Variants in ULK4 observed in about 807,000 individuals in gnomAD.
ULK4 encodes unc-51 like kinase 4.
A neutral mutation model predicts 160.6 loss-of-function variants in ULK4; 133 were observed. The ratio of observed to expected loss-of-function variants is 0.83; its 90% CI spans 0.72 to 0.96. The LOEUF (loss-of-function observed/expected upper bound fraction) is 0.96. Ranked by LOEUF, ULK4 falls within the 40% of genes least tolerant of loss-of-function variation. The pLI is 0.00. For missense variants in ULK4, 1,580 were observed against 1,499.5 expected (o/e 1.05, Z -0.89); for synonymous variants, 534 against 539.8 (o/e 0.99, Z 0.15).
At chr3:41,831,012 T>TATTTA (rs1358667647) in intron 18 of ULK4, among the ~76,000 whole-genome samples, 1 of 96,902 alleles carries the variant, frequency 1.0e-5, no homozygotes, top group African/African-American at 4.3e-5. Flanking sequence ...TTATTATTTT[T>TATTTA]TTTATTTATT....
intron 35 of ULK4, among the ~76,000 whole-genome samples, chr3:41,391,502 T>C (rs1202574125): frequency 6.6e-6 from 1 of 151,870 alleles, no homozygotes; most frequent in African/African-American, 2.4e-5. Flanking sequence ...CTTTTTATTA[T>C]ACCTCAAGGA....
At position 41,444,361 on chromosome 3, in the gene ULK4, T is replaced by TTCTCTCTCTCTC. The variant is rs56744200; in HGVS notation, c.3492+11124_3492+11135dup. ...TCTCTTTCTAAATGATTTAAGTGAC[T>TTCTCTCTCTCTC]TCTCTCTCTCTCTCTCTCTCTCTCT... On this transcript the variant is annotated intron_variant, in intron 34 of 36. Transcript: ENST00000301831. 5.8e-3 allele frequency among the ~76,000 whole-genome samples: 847 copies of TTCTCTCTCTCTC among 146,654 alleles called. 13 individuals are homozygous for TTCTCTCTCTCTC. The highest frequency in any genetic ancestry group is 0.016 in the African/African-American group (638 of 39,434).
intron 30 of ULK4, among the ~76,000 whole-genome samples, chr3:41,643,770 A>C (rs542671184): frequency 6.2e-4 from 95 of 152,264 alleles, no homozygotes; most frequent in Non-Finnish European, 1.1e-3. Flanking sequence ...TGAATCTATA[A>C]ATTACCTTGG....
chr3:41,339,055 A>G (rs554785175), intron 35 of ULK4, among the ~76,000 whole-genome samples: 11 of 151,950 alleles, frequency 7.2e-5, no homozygotes, highest in African/African-American at 2.7e-4. Context: ...ACGCCCAGAA[A>G]TCATGTTTAG....
rs780256592 is a variant in ULK4, at chr3:41,894,624, T to C, written c.1577+894A>G. Among the ~76,000 whole-genome samples the C allele has an allele frequency of 3.9e-5, 6 of 152,208 alleles. No homozygotes were observed. In the East Asian group the frequency reaches 1.2e-3, roughly 29 times the overall value. On this transcript the variant is annotated intron_variant, in intron 16 of 36. Coordinates refer to ENST00000301831, the MANE Select transcript of ULK4 (RefSeq NM_017886.4). ...CAGGCACTATACAAGGTATCTCATA[T>C]ATTTACCTCATTCAAAGTTGAATAA...
At chr3:41,838,344 A>G (rs770378686) in intron 17 of ULK4, among the ~76,000 whole-genome samples, 1 of 152,196 alleles carries the variant, frequency 6.6e-6, no homozygotes, top group Non-Finnish European at 1.5e-5. Flanking sequence ...TACATTCAAG[A>G]TAATTATATA....
Position 41,733,635 on chromosome 3 carries a change from G to A in ULK4, c.2322-15774C>T, listed in dbSNP as rs538356974. 3.1e-4 allele frequency among the ~76,000 whole-genome samples: 45 copies of A among 146,214 alleles called. 1 individual carries two copies. In the Middle Eastern group the frequency reaches 0.018, roughly 60 times the overall value. ...ATTTAAAAGTTTATATAATTACCAT[G>A]TTTTCTCCCAAAAAGACTTTTTTAG... On this transcript the variant is annotated intron_variant, in intron 22 of 36. Transcript: ENST00000301831.
chr3:41,821,683 C>A (rs1052500144), intron 18 of ULK4, among the ~76,000 whole-genome samples: 1 of 152,126 alleles, frequency 6.6e-6, no homozygotes, highest in African/African-American at 2.4e-5. Flanking sequence ...AATAGGGTCA[C>A]GGTATCTCAT....
At chr3:41,563,515 C>T (rs1213781574) in intron 32 of ULK4, among the ~76,000 whole-genome samples, 1 of 152,172 alleles carries the variant, frequency 6.6e-6, no homozygotes, top group Non-Finnish European at 1.5e-5. Context: ...TAGATTTGGT[C>T]TTTTCAGATA....
chr3:41,672,264 C>G (rs1021463388), intron 29 of ULK4, among the ~76,000 whole-genome samples: 8 of 152,142 alleles, frequency 5.3e-5, no homozygotes, highest in African/African-American at 1.9e-4. Flanking sequence ...AACACATGCA[C>G]TCCCATGTTT....
At chr3:41,866,906 T>C (rs1050416966) in intron 17 of ULK4, among the ~76,000 whole-genome samples, 2 of 152,222 alleles carry the variant, frequency 1.3e-5, no homozygotes, top group African/African-American at 4.8e-5. Context: ...GATTATCCCC[T>C]TAGTATCTTT....
intron 31 of ULK4, among the ~76,000 whole-genome samples, chr3:41,574,407 C>T (rs943168359): frequency 2.0e-5 from 3 of 152,054 alleles, no homozygotes; most frequent in African/African-American, 7.2e-5. Flanking sequence ...CCTCTTGCAT[C>T]TATCCTCTGC....
At chr3:41,326,118 C>T (rs974986335) in intron 35 of ULK4, among the ~76,000 whole-genome samples, 1 of 152,068 alleles carries the variant, frequency 6.6e-6, no homozygotes. Context: ...TTGGCTTTAG[C>T]ACACCATAAG....
At chr3:41,615,808 T>C in intron 30 of ULK4, 91 bp from the exon 31 acceptor site, 1 of 1,127,796 alleles carries the variant, frequency 8.9e-7, no homozygotes, top group East Asian at 2.5e-5. Flanking sequence ...CCCCCATGTT[T>C]TATTGCTAAA....
intron 35 of ULK4, among the ~76,000 whole-genome samples, chr3:41,333,072 C>T (rs1267647524): frequency 6.6e-6 from 1 of 152,158 alleles, no homozygotes; most frequent in African/African-American, 2.4e-5. Context: ...TGATAAACCC[C>T]AACAACATGA....
chr3:41,362,514 G>C (rs1388541426), intron 35 of ULK4, among the ~76,000 whole-genome samples: 1 of 152,194 alleles, frequency 6.6e-6, no homozygotes, highest in East Asian at 1.9e-4. Flanking sequence ...ATACAATGAT[G>C]ATGATGGTTA....
intron 16 of ULK4, among the ~76,000 whole-genome samples, chr3:41,886,687 T>A (rs1011294662): frequency 3.3e-5 from 5 of 152,034 alleles, no homozygotes; most frequent in African/African-American, 9.7e-5. Context: ...GCCATTCTCC[T>A]GCCTCAGCCT....
intron 16 of ULK4, among the ~76,000 whole-genome samples, chr3:41,889,161 T>A (rs1374619915): frequency 6.6e-6 from 1 of 152,176 alleles, no homozygotes; most frequent in African/African-American, 2.4e-5. Context: ...GTTCCCTTTT[T>A]TTCAAAGTCC....
At chr3:41,688,177 C>T (rs1306846799) in intron 27 of ULK4, 1 of 152,220 alleles carries the variant, frequency 6.6e-6, no homozygotes, top group Admixed American at 6.6e-5. Context: ...ATTGGTCATC[C>T]CCTCCATCCT....
Sources: allele counts gnomAD v4.1 joint callset (sites outside exome capture counted in the v4.1 genomes callset), GRCh38; gene constraint gnomAD v4.1.1; transcripts MANE v1.5; gene names NCBI Gene and HGNC (gene_info 2026-07-23, HGNC 2026-07-21).